Variants in KCNK13 observed in about 807,000 individuals in gnomAD.
KCNK13 encodes potassium two pore domain channel subfamily K member 13.
A neutral mutation model predicts 23.4 loss-of-function variants in KCNK13; 12 were observed. The observed-to-expected ratio is 0.51, with a 90% CI of 0.33 to 0.83. KCNK13 has a LOEUF of 0.83. Ranked by LOEUF, KCNK13 falls within the 40% of genes least tolerant of loss-of-function variation. KCNK13 has a pLI of 0.02. For synonymous variants in KCNK13, 231 were observed against 229.5 expected (o/e 1.01, Z -0.06); for missense variants, 463 against 556.3 (o/e 0.83, Z 1.69).
intron 1 of KCNK13, among the ~76,000 whole-genome samples, chr14:90,174,858 AAATT>A (rs1890405585): frequency 6.6e-6 from 1 of 151,988 alleles, no homozygotes; most frequent in Non-Finnish European, 1.5e-5. Context: ...TGTTTCAAAA[AAATT>A]AAATAAATAA....
chr14:90,092,201 C>T (rs548453555), intron 1 of KCNK13, among the ~76,000 whole-genome samples: 5 of 152,284 alleles, frequency 3.3e-5, no homozygotes, highest in Non-Finnish European at 2.9e-5. Context: ...GGATTATAGG[C>T]GTGAGCCACC....
chr14:90,113,261 A>G (rs1330340697), intron 1 of KCNK13, among the ~76,000 whole-genome samples: 1 of 152,096 alleles, frequency 6.6e-6, no homozygotes, highest in Admixed American at 6.6e-5. Flanking sequence ...GTACTGGTTT[A>G]CCTGCATGGA....
At chr14:90,104,398 AG>A (rs773282172) in intron 1 of KCNK13, among the ~76,000 whole-genome samples, 9 of 152,152 alleles carry the variant, frequency 5.9e-5, no homozygotes, top group Non-Finnish European at 7.3e-5. Flanking sequence ...TTCTTTGATG[AG>A]TTTCTGGAAA....
chr14:90,118,210 C>T (rs3850394), intron 1 of KCNK13, among the ~76,000 whole-genome samples: 119,432 of 152,084 alleles, frequency 0.79, 46,964 homozygotes, highest in African/African-American at 0.81. Context: ...CATATGTGTA[C>T]AGGAAATGGT....
At chr14:90,111,528 T>TGG (rs1265796301) in intron 1 of KCNK13, among the ~76,000 whole-genome samples, 1 of 152,142 alleles carries the variant, frequency 6.6e-6, no homozygotes, top group Non-Finnish European at 1.5e-5. Context: ...TCATTGATTC[T>TGG]AGTCTGGCAG....
chr14:90,180,760 T>A (rs932088760), intron 1 of KCNK13, among the ~76,000 whole-genome samples: 2 of 152,244 alleles, frequency 1.3e-5, no homozygotes, highest in Non-Finnish European at 2.9e-5. Context: ...TCACTGTCTG[T>A]GCCTATGTCA....
At chr14:90,105,074 G>A (rs572459719) in intron 1 of KCNK13, among the ~76,000 whole-genome samples, 271 of 152,192 alleles carry the variant, frequency 1.8e-3, no homozygotes, top group African/African-American at 6.0e-3. Flanking sequence ...ACAGGCATGA[G>A]CCACCAGCCA....
intron 1 of KCNK13, among the ~76,000 whole-genome samples, chr14:90,136,765 G>A (rs1049275884): frequency 6.6e-6 from 1 of 152,118 alleles, no homozygotes; most frequent in Non-Finnish European, 1.5e-5. Context: ...AAAGCCTGGC[G>A]AGAGAAGGAA....
intron 1 of KCNK13, among the ~76,000 whole-genome samples, chr14:90,180,675 C>A (rs1020439862): frequency 6.6e-6 from 1 of 152,134 alleles, no homozygotes; most frequent in African/African-American, 2.4e-5. Flanking sequence ...AATGTTAAAT[C>A]TCTGGAACAT....
chr14:90,139,689 C>T (rs1370231392), intron 1 of KCNK13, among the ~76,000 whole-genome samples: 4 of 152,110 alleles, frequency 2.6e-5, no homozygotes, highest in South Asian at 2.1e-4. Flanking sequence ...GGGCTGGGTG[C>T]GGTGTCTCAT....
At position 90,161,096 on chromosome 14, in the gene KCNK13, A is replaced by G. The variant is rs550900032; in HGVS notation, c.335-23015A>G. Among the ~76,000 whole-genome samples the G allele has an allele frequency of 2.0e-5, 3 of 152,300 alleles. No individual in the cohort carries two copies. In the East Asian group the frequency reaches 5.8e-4, roughly 29 times the overall value. Reference sequence around the variant, plus strand: ...AAACAAAATGTGGTCTATACATACAATAAAATGTTATGCAGCCATAAGAAG... The same window carrying G: ...AAACAAAATGTGGTCTATACATACAGTAAAATGTTATGCAGCCATAAGAAG... On this transcript the variant is annotated intron_variant, in intron 1 of 1. Transcript: ENST00000282146.
At chr14:90,078,720 CG>C (rs1889173061) in intron 1 of KCNK13, among the ~76,000 whole-genome samples, 2 of 152,148 alleles carry the variant, frequency 1.3e-5, no homozygotes, top group South Asian at 4.2e-4. Flanking sequence ...GGGTGAAGAC[CG>C]AGCTCCCGGA....
At chr14:90,153,267 G>T (rs1427067559) in intron 1 of KCNK13, among the ~76,000 whole-genome samples, 2 of 152,160 alleles carry the variant, frequency 1.3e-5, no homozygotes, top group Non-Finnish European at 2.9e-5. Flanking sequence ...AGGGCTTAGT[G>T]ATTAAGGCAC....
chr14:90,105,187 C>T (rs554735056), intron 1 of KCNK13, among the ~76,000 whole-genome samples: 4 of 152,216 alleles, frequency 2.6e-5, no homozygotes, highest in Non-Finnish European at 2.9e-5. Context: ...TCAGCAGCAC[C>T]GTGTCTCTCA....
chr14:90,072,288 C>T (rs560476704), intron 1 of KCNK13, among the ~76,000 whole-genome samples: 5 of 152,272 alleles, frequency 3.3e-5, no homozygotes, highest in Admixed American at 2.6e-4. Flanking sequence ...CTCAACGAAT[C>T]GCCTCTCCTT....
At chr14:90,081,772 T>G (rs1436855670) in intron 1 of KCNK13, among the ~76,000 whole-genome samples, 1 of 152,172 alleles carries the variant, frequency 6.6e-6, no homozygotes, top group African/African-American at 2.4e-5. Context: ...CGATAACTCA[T>G]GTTGAGGCTT....
At chr14:90,107,561 A>T (rs1159428245) in intron 1 of KCNK13, 1 of 453,780 alleles carries the variant, frequency 2.2e-6, no homozygotes, top group East Asian at 4.5e-5. Context: ...AAACATTACG[A>T]TTGTGCAAAA....
chr14:90,100,496 G>A (rs1431791861), intron 1 of KCNK13, among the ~76,000 whole-genome samples: 2 of 152,150 alleles, frequency 1.3e-5, no homozygotes, highest in Non-Finnish European at 2.9e-5. Flanking sequence ...GAAGAGGAAG[G>A]CCTAATCAGT....
rs1047533799 is a variant in KCNK13 at position 90,184,059 on chromosome 14, C to A, written c.335-52C>A. The A allele has an allele frequency of 2.6e-6, 4 of 1,529,886 alleles. No individual in the cohort carries two copies. Among genetic ancestry groups the A allele is most frequent in the African/African-American group, 2.7e-5 (2 of 72,836 alleles). The allele number at this position is 1,529,886 out of a possible 1,614,324, so 94.8% of individuals were successfully genotyped here. A position where few individuals can be genotyped will look rare whatever the true frequency, so the allele number is the denominator to read the frequency against. ...AGCCATCAAAGCCAAGACCTAGACC[C>A]CATTCACAGCAAAGATTTCTCTTAC... On this transcript the variant is annotated intron_variant, in intron 1 of 1. Coordinates refer to ENST00000282146, the MANE Select transcript of KCNK13 (RefSeq NM_022054.4). The surrounding 1 kb of genome is among the most constrained non-coding windows in gnomAD (Gnocchi z 5.6).
Sources: gnomAD v4.1 joint callset for allele counts (sites outside exome capture counted in the v4.1 genomes callset) on GRCh38, gnomAD v4.1.1 for gene constraint, Gnocchi (gnomAD v3.1) non-coding constraint, MANE v1.5 for transcripts, NCBI Gene and HGNC (gene_info 2026-07-23, HGNC 2026-07-21) for gene names.